APOBEC3B: variants seen among roughly 807,000 people sequenced by gnomAD.
APOBEC3B encodes the protein apolipoprotein B mRNA editing enzyme catalytic subunit 3B.
A neutral mutation model predicts 53.4 loss-of-function variants in APOBEC3B; 29 were observed. The ratio of observed to expected loss-of-function variants is 0.54; its 90% CI spans 0.40 to 0.74. The LOEUF (loss-of-function observed/expected upper bound fraction) is 0.74. Ranked by LOEUF, APOBEC3B falls within the 30% of genes least tolerant of loss-of-function variation. The pLI, the probability that APOBEC3B is intolerant of heterozygous loss-of-function variation, is 0.00. For missense variants in APOBEC3B, 347 were observed against 496.2 expected (o/e 0.70, Z 2.86); for synonymous variants, 132 against 184.8 (o/e 0.71, Z 2.32).
At position 38,984,223 on chromosome 22, in the gene APOBEC3B, C is replaced by G; in HGVS notation, c.166C>G (p.Arg56Gly). ...TCTCCTTTGGGACACAGGGGTCTTT[C>G]GAGGCCAGGTACCACCCAAACTTCA... is the stretch of plus-strand genomic sequence containing the variant. Reference protein sequence around the residue: ...SNLLWDTGVFRGQVYFKPQYH... With the variant: ...SNLLWDTGVFGGQVYFKPQYH... The change falls in exon 2 of 8, where the codon CGA (arginine) becomes GGA (glycine). Residue 56 changes from arginine to glycine, a missense_variant. Coordinates refer to ENST00000333467, the MANE Select transcript of APOBEC3B (RefSeq NM_004900.5). The G allele has an allele frequency of 6.3e-7, 1 of 1,591,722 alleles. No individual in the cohort carries two copies. Among genetic ancestry groups the G allele is most frequent in the Non-Finnish European group, 8.5e-7 (1 of 1,172,108 alleles).
At chr22:38,988,143 A>ACTC (rs905892639) in intron 4 of APOBEC3B, among the ~76,000 whole-genome samples, 1 of 147,912 alleles carries the variant, frequency 6.8e-6, no homozygotes, top group African/African-American at 2.5e-5. Flanking sequence ...TCTGATGAGC[A>ACTC]CTCACCTCTC....
chr22:38,983,487 G>A (rs2064796678), intron 1 of APOBEC3B, among the ~76,000 whole-genome samples: 1 of 148,588 alleles, frequency 6.7e-6, no homozygotes, highest in Admixed American at 6.9e-5. Context: ...GGCTGGCCTG[G>A]AAAGGGGCCC....
chr22:38,990,346 G>A (rs1322027624), intron 5 of APOBEC3B, among the ~76,000 whole-genome samples: 3 of 147,410 alleles, frequency 2.0e-5, no homozygotes, highest in Admixed American at 7.0e-5. Context: ...GACTCCCCCA[G>A]GAATGACCCA....
In APOBEC3B at chr22:38,989,814, T is replaced by C. The variant is rs556802256; in HGVS notation, c.723+204T>C. Reference sequence around the variant, plus strand: ...GCCAGGTGGGGTTGAGTCTGCCCAATGGCAAAGTGCTTCCTGAGGACCCTC... The same window carrying C: ...GCCAGGTGGGGTTGAGTCTGCCCAACGGCAAAGTGCTTCCTGAGGACCCTC... On this transcript the variant is annotated intron_variant, in intron 5 of 7. Coordinates refer to ENST00000333467, the MANE Select transcript of APOBEC3B (RefSeq NM_004900.5). Among the ~76,000 whole-genome samples the C allele has an allele frequency of 8.8e-5, 13 of 148,476 alleles. 1 individual carries two copies. The highest frequency in any genetic ancestry group is 2.9e-4 in the African/African-American group (12 of 40,900).
chr22:38,989,538 C>G lies in APOBEC3B; in HGVS notation c.651C>G (p.Cys217Trp). 1.9e-6 allele frequency: 3 copies of G among 1,590,202 alleles called. No homozygotes were observed. The highest frequency in any genetic ancestry group is 2.6e-6 in the Non-Finnish European group (3 of 1,170,226). The change falls in exon 5 of 8, where the codon TGC (cysteine) becomes TGG (tryptophan). Residue 217 changes from cysteine (C) to tryptophan (W), a missense_variant. Transcript: ENST00000333467. ...LVLRRRQTYLCYEVERLDNGT... is the reference protein window; with the variant it reads ...LVLRRRQTYLWYEVERLDNGT... ...TTCGACGGCGCCAGACCTACTTGTG[C>G]TATGAGGTGGAGCGCCTGGACAATG...
intron 7 of APOBEC3B, 32 bp downstream of exon 7, chr22:38,992,181 A>G (rs764548809): frequency 3.8e-6 from 6 of 1,584,460 alleles, no homozygotes; most frequent in Non-Finnish European, 3.4e-6. Context: ...CTGGTGCCCC[A>G]TCGGCCTCCC....
chr22:38,984,030 C>T lies in APOBEC3B; in HGVS notation c.18-45C>T, dbSNP rs114628569. On this transcript the variant is annotated intron_variant, in intron 1 of 7. Transcript: ENST00000333467. Reference sequence around the variant, plus strand: ...AGTGGACATGAGCCCCGAGGACTCCCGGGAGGGCTCCCTGCATGGGCCGGT... The same window carrying T: ...AGTGGACATGAGCCCCGAGGACTCCTGGGAGGGCTCCCTGCATGGGCCGGT... 2.6e-4 allele frequency: 409 copies of T among 1,565,178 alleles called. 29 individuals are homozygous for T. In the African/African-American group the frequency reaches 4.8e-3, roughly 18 times the overall value.
At chr22:38,990,701 T>C (rs202227035) in intron 5 of APOBEC3B, among the ~76,000 whole-genome samples, 118 of 146,294 alleles carry the variant, frequency 8.1e-4, no homozygotes, top group African/African-American at 2.6e-3. Context: ...AGAATAGAAG[T>C]TTCTAGAATT....
At chr22:38,984,332 G>T in intron 2 of APOBEC3B, 101 bp downstream of exon 2, 1 of 1,368,134 alleles carries the variant, frequency 7.3e-7, no homozygotes, top group Non-Finnish European at 9.7e-7. Flanking sequence ...TAGGTGCACT[G>T]GTTCAGCAGA....
rs1317657637 is a variant in APOBEC3B at position 38,988,748 on chromosome 22, C to CTTTCTTGCTTTCTTGCTTT, written c.570-709_570-708insTTTCTTGCTTTCTTGCTTT. Among the ~76,000 whole-genome samples, 219 of 65,964 alleles carry CTTTCTTGCTTTCTTGCTTT rather than the reference C, an allele frequency of 3.3e-3. 17 individuals are homozygous for CTTTCTTGCTTTCTTGCTTT. Among genetic ancestry groups the CTTTCTTGCTTTCTTGCTTT allele is most frequent in the African/African-American group, 0.011 (189 of 17,166 alleles). 43.3% of individuals were successfully genotyped at this position (65,964 alleles called of 152,430 possible). A position where few individuals can be genotyped will look rare whatever the true frequency, so the allele number is the denominator to read the frequency against. ...TTCTTTCTTTCTTTCTTTCTTTCTTCCTTTCTTCTCTCTCGTCTTTCTTCT... is the reference window on the plus strand; with the variant it reads ...TTCTTTCTTTCTTTCTTTCTTTCTTCTTTCTTGCTTTCTTGCTTTCTTTCTTCTCTCTCGTCTTTCTTCT... On this transcript the variant is annotated intron_variant, in intron 4 of 7. Coordinates refer to ENST00000333467, the MANE Select transcript of APOBEC3B (RefSeq NM_004900.5).
Position 38,987,586 on chromosome 22 carries a change from A to T in APOBEC3B, c.569+1174A>T, listed in dbSNP as rs1923793078. Among the ~76,000 whole-genome samples the T allele has an allele frequency of 5.4e-5, 8 of 148,538 alleles. 1 individual carries two copies. In the South Asian group the frequency reaches 1.8e-3, roughly 33 times the overall value. On this transcript the variant is annotated intron_variant, in intron 4 of 7. Coordinates refer to ENST00000333467, the MANE Select transcript of APOBEC3B (RefSeq NM_004900.5). Reference sequence around the variant, plus strand: ...AGCATTTTGATGGAATTTCTGTAAGATTTACTTTGTTTCAACACAAAGTCT... The same window carrying T: ...AGCATTTTGATGGAATTTCTGTAAGTTTTACTTTGTTTCAACACAAAGTCT...
At position 38,985,741 on chromosome 22, in the gene APOBEC3B, T is replaced by C. The variant is rs534528116; in HGVS notation, c.175-71T>C. ...TGGGCTCCTGTCCTGGCCCCTCCTC[T>C]CCCTGCCCCACCCCTGCACTCCTCC... On this transcript the variant is annotated intron_variant, in intron 2 of 7. Transcript: ENST00000333467. 2,068 of 1,337,056 alleles carry C rather than the reference T, an allele frequency of 1.5e-3. 90 individuals are homozygous for C. In the African/African-American group the frequency reaches 0.028, roughly 18 times the overall value. The allele number at this position is 1,337,056 out of a possible 1,614,324, so 82.8% of individuals were successfully genotyped here. A position where few individuals can be genotyped will look rare whatever the true frequency, so the allele number is the denominator to read the frequency against.
chr22:38,989,392 G>A, intron 4 of APOBEC3B, 65 bp from the exon 5 acceptor site: 2 of 1,430,754 alleles, frequency 1.4e-6, no homozygotes, highest in Non-Finnish European at 1.9e-6. Context: ...GGGTGCAGGA[G>A]AGGAGCGAGA....
chr22:38,984,234 A>G lies in APOBEC3B; in HGVS notation c.174+3A>G. The G allele has an allele frequency of 6.3e-7, 1 of 1,591,172 alleles. No individual in the cohort carries two copies. Among genetic ancestry groups the G allele is most frequent in the South Asian group, 1.1e-5 (1 of 88,428 alleles). On this transcript the variant is annotated splice_donor_region_variant and intron_variant, in intron 2 of 7. Coordinates refer to ENST00000333467, the MANE Select transcript of APOBEC3B (RefSeq NM_004900.5). ...ACACAGGGGTCTTTCGAGGCCAGGT[A>G]CCACCCAAACTTCAATCGAATCACA...
At chr22:38,990,198 A>G (rs1923937994) in intron 5 of APOBEC3B, among the ~76,000 whole-genome samples, 3 of 148,264 alleles carry the variant, frequency 2.0e-5, no homozygotes, top group Admixed American at 6.9e-5. Context: ...GGAGAGGCCA[A>G]GTTCTGCTTG....
Position 38,992,444 on chromosome 22 carries a change from G to A in APOBEC3B, c.1148G>A (p.Ter383=), listed in dbSNP as rs202013249. ...LRAILQNQGN[*] ...CTGCTCTTCCAGAATCAGGGAAACT[G>A]AAGGATGGGCCTCAGTCTCTAAGGA... The change falls in exon 8 of 8, where the codon TGA becomes TAA. Residue 383 remains the stop codon, a stop_retained_variant. Coordinates refer to ENST00000333467, the MANE Select transcript of APOBEC3B (RefSeq NM_004900.5). 9.0e-4 allele frequency: 1,438 copies of A among 1,599,134 alleles called. 1 individual carries two copies. Among genetic ancestry groups the A allele is most frequent in the South Asian group, 1.1e-3 (99 of 89,766 alleles).
At chr22:38,985,318 G>A (rs1436134155) in intron 2 of APOBEC3B, among the ~76,000 whole-genome samples, 2 of 148,408 alleles carry the variant, frequency 1.3e-5, no homozygotes, top group Non-Finnish European at 3.0e-5. Context: ...CACCTGCCAG[G>A]TTCAAGTGAT....
intron 6 of APOBEC3B, 146 bp from the exon 7 acceptor site, chr22:38,991,888 A>C (rs1270897221): frequency 7.4e-7 from 1 of 1,345,144 alleles, no homozygotes; most frequent in Non-Finnish European, 9.8e-7. Context: ...GAAGTACCTG[A>C]TGAAGGAGCT....
At position 38,991,788 on chromosome 22, in the gene APOBEC3B, T is replaced by C. The variant is rs1194838112; in HGVS notation, c.1018+162T>C. 3.4e-5 allele frequency among the ~76,000 whole-genome samples: 5 copies of C among 147,592 alleles called. 1 individual carries two copies. Among genetic ancestry groups the C allele is most frequent in the Non-Finnish European group, 7.5e-5 (5 of 67,034 alleles). On this transcript the variant is annotated intron_variant, in intron 6 of 7. Coordinates refer to ENST00000333467, the MANE Select transcript of APOBEC3B (RefSeq NM_004900.5). ...AAGAGAGAGGCCAGGCCAGGAGATA[T>C]GGGCCCGGGGAGGGTGGCTGGAAGT...
Sources: gnomAD v4.1 joint callset for allele counts (sites outside exome capture counted in the v4.1 genomes callset) on GRCh38, gnomAD v4.1.1 for gene constraint, MANE v1.5 for transcripts, NCBI Gene and HGNC (gene_info 2026-07-23, HGNC 2026-07-21) for gene names.